Variants in FRMD4B observed in about 807,000 individuals in gnomAD.
FRMD4B encodes FERM domain-containing protein 4B.
FRMD4B carries 74 observed loss-of-function variants against 141.5 expected under a neutral mutation model. That is an observed-to-expected ratio of 0.52 (90% confidence interval 0.43 to 0.63). The LOEUF (loss-of-function observed/expected upper bound fraction) is 0.63, where lower values mean the gene tolerates loss of function less well. FRMD4B is among the 30% of genes least tolerant of loss of function. The pLI is 0.00. For synonymous variants in FRMD4B, 506 were observed against 467.9 expected, an observed-to-expected ratio of 1.08 and a Z score of -1.05; for missense variants, 1,366 against 1,253.4, an observed-to-expected ratio of 1.09 and a Z score of -1.36.
chr3:69,310,951 A>G (rs538208957), intron 3 of FRMD4B, among the ~76,000 whole-genome samples: 3 of 152,344 alleles, frequency 2.0e-5, no homozygotes, highest in African/African-American at 7.2e-5. Flanking sequence ...TTTCTACCAT[A>G]TAAGCTAAAT....
chr3:69,308,438 C>CTTT (rs112662917), intron 3 of FRMD4B, among the ~76,000 whole-genome samples: 51 of 142,258 alleles, frequency 3.6e-4, no homozygotes, highest in African/African-American at 1.0e-3. Context: ...ATCACACTGG[C>CTTT]TTTTTTTTTT....
Position 69,482,911 on chromosome 3 carries a change from C to T in FRMD4B, c.-128-50150G>A, listed in dbSNP as rs73113136. Among the ~76,000 whole-genome samples the T allele has an allele frequency of 6.0e-3, 899 of 149,636 alleles. 4 individuals are homozygous for T. Among genetic ancestry groups the T allele is most frequent in the Non-Finnish European group, 0.01 (698 of 66,714 alleles). Reference sequence around the variant, plus strand: ...TACATATTTATTACTTCTCTAACACCAATTCTACCCCCTGTTGTACAGAAA... The same window carrying T: ...TACATATTTATTACTTCTCTAACACTAATTCTACCCCCTGTTGTACAGAAA... On this transcript the variant is annotated intron_variant, in intron 1 of 5. Transcript: ENST00000459638.
chr3:69,328,564 AGG>A (rs1319625951), intron 1 of FRMD4B, among the ~76,000 whole-genome samples: 1 of 152,228 alleles, frequency 6.6e-6, no homozygotes, highest in Non-Finnish European at 1.5e-5. Context: ...GGAGGTCAGC[AGG>A]GCTGGTATCA....
chr3:69,506,008 C>T (rs3947355), intron 1 of FRMD4B, among the ~76,000 whole-genome samples: 11 of 152,068 alleles, frequency 7.2e-5, no homozygotes, highest in African/African-American at 2.4e-4. Context: ...ATCTTTCCAA[C>T]GCCTGAAAAA....
At chr3:69,183,988 T>G (rs189283993) in intron 19 of FRMD4B, among the ~76,000 whole-genome samples, 1 of 151,906 alleles carries the variant, frequency 6.6e-6, no homozygotes, top group African/African-American at 2.4e-5. Flanking sequence ...CTCCAGCTCC[T>G]GGGTTCGAGT....
chr3:69,244,731 TA>T, intron 7 of FRMD4B, among the ~76,000 whole-genome samples: 1 of 151,598 alleles, frequency 6.6e-6, no homozygotes, highest in Non-Finnish European at 1.5e-5. Context: ...TTGTCTCTAC[TA>T]AAAATACAAA....
intron 1 of FRMD4B, among the ~76,000 whole-genome samples, chr3:69,360,163 C>G (rs1199791163): frequency 6.6e-6 from 1 of 151,498 alleles, no homozygotes; most frequent in African/African-American, 2.4e-5. Context: ...TGGAAAATTT[C>G]AAGTACACAC....
intron 7 of FRMD4B, among the ~76,000 whole-genome samples, chr3:69,247,722 C>A (rs922669435): frequency 6.6e-6 from 1 of 152,172 alleles, no homozygotes; most frequent in African/African-American, 2.4e-5. Flanking sequence ...TATCTCGGCT[C>A]ACTGCAAGCT....
rs895162506 is a variant in FRMD4B at position 69,405,199 on chromosome 3, T to A, written c.-1+27435A>T. On this transcript the variant is annotated intron_variant, in intron 2 of 5. Coordinates refer to the FRMD4B transcript ENST00000459638. ...TTGCTTCTTTTACACAGTTCATTCA[T>A]TTTCTCTGGTGTGTTCCTTTACACG... Among the ~76,000 whole-genome samples, 10 of 152,346 alleles carry A rather than the reference T, an allele frequency of 6.6e-5. No individual in the cohort carries two copies. In the East Asian group the frequency reaches 1.9e-3, roughly 29 times the overall value.
At chr3:69,200,156 C>T (rs997562835) in intron 11 of FRMD4B, among the ~76,000 whole-genome samples, 5 of 152,108 alleles carry the variant, frequency 3.3e-5, no homozygotes, top group African/African-American at 1.2e-4. Flanking sequence ...GACATGTAAA[C>T]CTCATCATGT....
intron 1 of FRMD4B, among the ~76,000 whole-genome samples, chr3:69,335,046 G>C (rs1330097557): frequency 1.3e-5 from 2 of 152,204 alleles, no homozygotes. Flanking sequence ...CACTTTGGGA[G>C]GCTGATGCAG....
intron 11 of FRMD4B, among the ~76,000 whole-genome samples, chr3:69,214,865 AAAT>A (rs1207386045): frequency 8.8e-6 from 1 of 113,482 alleles, no homozygotes; most frequent in Admixed American, 1.1e-4. Flanking sequence ...CCATCTCAAA[AAAT>A]AATAATAATA....
intron 2 of FRMD4B, among the ~76,000 whole-genome samples, chr3:69,400,188 C>T (rs1190397916): frequency 1.3e-5 from 2 of 151,302 alleles, no homozygotes; most frequent in African/African-American, 4.9e-5. Flanking sequence ...GAGTTTGAGA[C>T]CAGCATGGGC....
At chr3:69,428,822 CTG>C (rs1705127938) in intron 2 of FRMD4B, among the ~76,000 whole-genome samples, 1 of 150,898 alleles carries the variant, frequency 6.6e-6, no homozygotes, top group African/African-American at 2.5e-5. Context: ...AACTGAAACT[CTG>C]TGCCCACTAA....
chr3:69,374,547 A>C (rs2106646112), intron 1 of FRMD4B, among the ~76,000 whole-genome samples: 1 of 152,342 alleles, frequency 6.6e-6, no homozygotes, highest in East Asian at 1.9e-4. Flanking sequence ...ACAGATGGGA[A>C]AGATAGCAGA....
intron 1 of FRMD4B, among the ~76,000 whole-genome samples, chr3:69,323,608 GTATATATATATATATATATATATA>G (rs55847019): frequency 0.39 from 39,565 of 102,064 alleles, 7,754 homozygotes; most frequent in Admixed American, 0.49. Flanking sequence ...CTCTCTCTGT[GTATATATATATATATATATATATA>G]TATATATATA....
intron 18 of FRMD4B, among the ~76,000 whole-genome samples, chr3:69,188,763 C>CAAAAAA (rs11328404): frequency 1.5e-5 from 1 of 66,838 alleles, no homozygotes; most frequent in African/African-American, 5.7e-5. Flanking sequence ...GACTCCGTCT[C>CAAAAAA]AAAAAAAAAA....
At chr3:69,433,123 GAACTCAGT>G (rs1705205819) in intron 1 of FRMD4B, 1 of 152,166 alleles carries the variant, frequency 6.6e-6, no homozygotes, top group South Asian at 2.1e-4. Context: ...GTGGGAGAGA[GAACTCAGT>G]AATACATCCC....
intron 1 of FRMD4B, among the ~76,000 whole-genome samples, chr3:69,326,335 A>G (rs569257524): frequency 5.9e-5 from 9 of 152,282 alleles, no homozygotes; most frequent in African/African-American, 1.9e-4. Context: ...GAGAGACCCA[A>G]AAACCTAATA....
Sources: gnomAD v4.1 joint callset for allele counts (sites outside exome capture counted in the v4.1 genomes callset) on GRCh38, gnomAD v4.1.1 for gene constraint, MANE v1.5 for transcripts, NCBI Gene and HGNC (gene_info 2026-07-23, HGNC 2026-07-21) for gene names.